Variants in ATP5PO observed in about 807,000 individuals in gnomAD.
The protein encoded by ATP5PO is ATP synthase peripheral stalk subunit OSCP.
A neutral mutation model predicts 26.2 loss-of-function variants in ATP5PO; 14 were observed. The observed-to-expected ratio is 0.53, with a 90% CI of 0.35 to 0.83. ATP5PO has a LOEUF of 0.83. Ranked by LOEUF, ATP5PO falls within the 40% of genes least tolerant of loss-of-function variation. The pLI, the probability that ATP5PO is intolerant of heterozygous loss-of-function variation, is 0.01. For synonymous variants in ATP5PO, 106 were observed against 95.1 expected (o/e 1.12, Z -0.67); for missense variants, 241 against 258.5 (o/e 0.93, Z 0.46).
chr21:33,909,078 T>G lies in ATP5PO; in HGVS notation c.328+4A>C, dbSNP rs748383028. The G allele has an allele frequency of 6.2e-7, 1 of 1,603,920 alleles. No homozygotes were observed. Among genetic ancestry groups the G allele is most frequent in the South Asian group, 1.1e-5 (1 of 90,256 alleles). Reference sequence around the variant, plus strand: ...ACCTCAAATGAAAAAGTTCTAATACTCACTGATCAGATTGGTAGTGAGGGG... The same window carrying G: ...ACCTCAAATGAAAAAGTTCTAATACGCACTGATCAGATTGGTAGTGAGGGG... On this transcript the variant is annotated splice_donor_region_variant and intron_variant, in intron 4 of 6. Transcript: ENST00000290299.
intron 4 of ATP5PO, chr21:33,908,795 T>C: frequency 3.4e-6 from 1 of 293,992 alleles, no homozygotes; most frequent in Non-Finnish European, 6.3e-6. Context: ...ACCATTTTCT[T>C]GGTAGGTATC....
At chr21:33,914,726 TA>T in intron 1 of ATP5PO, 1 of 506,306 alleles carries the variant, frequency 2.0e-6, no homozygotes, top group Admixed American at 3.6e-5. Flanking sequence ...ACGAACCTCC[TA>T]GTTTGCTAGG....
intron 5 of ATP5PO, chr21:33,906,514 T>A (rs1307470568): frequency 2.9e-6 from 1 of 344,306 alleles, no homozygotes; most frequent in African/African-American, 2.2e-5. Flanking sequence ...TAAAATGAGG[T>A]TAATTATACT....
chr21:33,915,630 T>C (rs928931479), intron 1 of ATP5PO, 98 bp downstream of exon 1: 4 of 1,498,964 alleles, frequency 2.7e-6, no homozygotes, highest in Admixed American at 4.1e-5. Flanking sequence ...ACTGCCAGAC[T>C]TCCCCAGCCG....
chr21:33,904,728 A>AG (rs1361439669), intron 5 of ATP5PO, among the ~76,000 whole-genome samples: 2 of 152,194 alleles, frequency 1.3e-5, no homozygotes, highest in Non-Finnish European at 2.9e-5. Context: ...GTGAAAATGA[A>AG]GAAGGCTGTT....
At chr21:33,912,114 C>A (rs1246692158) in intron 3 of ATP5PO, among the ~76,000 whole-genome samples, 175 bp downstream of exon 3, 2 of 152,030 alleles carry the variant, frequency 1.3e-5, no homozygotes, top group Admixed American at 1.3e-4. Context: ...TCTGTTTGTT[C>A]TTTTTATATG....
chr21:33,912,984 T>C (rs932130912), intron 2 of ATP5PO, among the ~76,000 whole-genome samples: 2 of 152,240 alleles, frequency 1.3e-5, no homozygotes, highest in Non-Finnish European at 2.9e-5. Flanking sequence ...TTTTCTACCA[T>C]CAATGTATGA....
intron 1 of ATP5PO, chr21:33,915,526 G>T: frequency 1.4e-6 from 1 of 710,108 alleles, no homozygotes; most frequent in Non-Finnish European, 2.2e-6. Context: ...TACGGCACGC[G>T]CAGCCCCGCG....
In ATP5PO at chr21:33,907,323, C is replaced by G; in HGVS notation, c.441+18G>C. 1 of 1,589,740 alleles carries G rather than the reference C, an allele frequency of 6.3e-7. No homozygotes were observed. The highest frequency in any genetic ancestry group is 8.6e-7 in the Non-Finnish European group (1 of 1,159,662). On this transcript the variant is annotated intron_variant, in intron 5 of 6. Coordinates refer to ENST00000290299, the MANE Select transcript of ATP5PO (RefSeq NM_001697.3). ...TGTAATATCAAGGCAAACACAGCAG[C>G]AACAACCCGTTACTTACAGATGCAG...
intron 2 of ATP5PO, among the ~76,000 whole-genome samples, chr21:33,912,648 T>C (rs79742309): frequency 0.088 from 13,463 of 152,286 alleles, 771 homozygotes; most frequent in East Asian, 0.23. Context: ...TTAGTAGGCA[T>C]TGTCTAAAGT....
chr21:33,903,495 A>G lies in ATP5PO; in HGVS notation c.*31T>C. The stretch of plus-strand genomic sequence containing the variant: ...TTTTTATTGTTGCTCCAAGTTTAAG[A>G]ATTTTCACTGATGGCAGAAAACCAA... On this transcript the variant is annotated 3_prime_UTR_variant, in exon 7 of 7. Transcript: ENST00000290299. 2 of 1,580,702 alleles carry G rather than the reference A, an allele frequency of 1.3e-6. No homozygotes were observed. The highest frequency in any genetic ancestry group is 1.7e-6 in the Non-Finnish European group (2 of 1,152,632).
Position 33,912,297 on chromosome 21 carries a change from T to A in ATP5PO, c.190A>T (p.Arg64Ter). The change falls in exon 3 of 7, where the codon AGA (arginine) becomes TGA (stop). Residue 64 changes from arginine (R) to a stop codon, truncating the protein, a stop_gained. Transcript: ENST00000290299. LOFTEE classifies it high-confidence loss of function. The stretch of plus-strand genomic sequence containing the variant: ...ATAGGAAAGCTACTTACTGCTACTC[T>A]CAACAACTCCTTTTCTACTTGCTCC... ...KLEQVEKELLRVAQILKEPKV... is the reference protein window; with the variant it reads ...KLEQVEKELL 6.2e-7 allele frequency: 1 copy of A among 1,611,032 alleles called. No individual in the cohort carries two copies. Among genetic ancestry groups the A allele is most frequent in the African/African-American group, 1.3e-5 (1 of 74,936 alleles).
At chr21:33,914,964 G>A (rs1307824538) in intron 1 of ATP5PO, 1 of 155,524 alleles carries the variant, frequency 6.4e-6, no homozygotes, top group African/African-American at 2.4e-5. Flanking sequence ...TTAGTTCTGA[G>A]AGACACTATC....
Position 33,903,616 on chromosome 21 carries a change from T to G in ATP5PO, c.552A>C (p.Gly184=), listed in dbSNP as rs1349617166. ...ATTTCTCGCCAATGCGCACAATCAT[T>G]CCACCCAAGATTGACGGATCAGTCT... ...EAKTDPSILG[G]MIVRIGEKYV... The change falls in exon 7 of 7, where the codon GGA becomes GGC. Residue 184 remains glycine, a synonymous_variant. Coordinates refer to ENST00000290299, the MANE Select transcript of ATP5PO (RefSeq NM_001697.3). The G allele has an allele frequency of 6.2e-7, 1 of 1,614,144 alleles. No individual in the cohort carries two copies. The highest frequency in any genetic ancestry group is 1.1e-5 in the South Asian group (1 of 91,078).
intron 4 of ATP5PO, chr21:33,908,877 A>G (rs1987210378): frequency 1.9e-6 from 1 of 525,098 alleles, no homozygotes; most frequent in Admixed American, 3.3e-5. Context: ...TATCCTTTAG[A>G]CGATGCTCCT....
chr21:33,914,427 C>T, intron 2 of ATP5PO, 23 bp downstream of exon 2: 1 of 1,607,340 alleles, frequency 6.2e-7, no homozygotes. Flanking sequence ...TTTATCATTA[C>T]AGAAGAATAT....
At chr21:33,904,121 C>CTCCT in intron 5 of ATP5PO, 100 bp from the exon 6 acceptor site, 1 of 996,352 alleles carries the variant, frequency 1.0e-6, no homozygotes, top group African/African-American at 1.6e-5. Flanking sequence ...GCCTTGTGAG[C>CTCCT]TCCTCCCTTT....
At chr21:33,905,436 G>A (rs1987157368) in intron 5 of ATP5PO, among the ~76,000 whole-genome samples, 1 of 152,140 alleles carries the variant, frequency 6.6e-6, no homozygotes. Flanking sequence ...CAGCAGGTGA[G>A]GACCAGCCCC....
At position 33,907,366 on chromosome 21, in the gene ATP5PO, A is replaced by C. The variant is rs762642831; in HGVS notation, c.416T>G (p.Val139Gly). The change falls in exon 5 of 7, where the codon GTA becomes GGA. Residue 139 changes from valine to glycine, a missense_variant. This residue lies in a region of ATP5PO where 39 missense variants were observed against 75.5 expected (regional missense o/e 0.52). Coordinates refer to ENST00000290299, the MANE Select transcript of ATP5PO (RefSeq NM_001697.3). ...STMMSVHRGE[V>G]PCTVTSASPL... Reference sequence around the variant, plus strand: ...AGATGCAGAGGTCACTGTGCAAGGTACCTCTCCGCGATGGACACTCATCAT... The same window carrying C: ...AGATGCAGAGGTCACTGTGCAAGGTCCCTCTCCGCGATGGACACTCATCAT... The C allele has an allele frequency of 1.2e-6, 2 of 1,613,932 alleles. No individual in the cohort carries two copies.
Sources: gnomAD v4.1 joint callset for allele counts (sites outside exome capture counted in the v4.1 genomes callset) on GRCh38, gnomAD v4.1.1 for gene constraint, gnomAD v4.1.1 regional missense constraint, MANE v1.5 for transcripts, NCBI Gene and HGNC (gene_info 2026-07-23, HGNC 2026-07-21) for gene names.